Variants in IGF2BP3 observed in about 807,000 individuals in gnomAD.
IGF2BP3 encodes insulin like growth factor 2 mRNA binding protein 3.
In IGF2BP3, 9 loss-of-function variants were observed where a neutral mutation model predicts 73.8. The observed-to-expected ratio is 0.12, with a 90% CI of 0.07 to 0.21. The LOEUF (loss-of-function observed/expected upper bound fraction) is 0.21. Among genes scored for constraint, IGF2BP3 ranks in the 10% least tolerant of loss-of-function variants. The pLI, the probability that IGF2BP3 is intolerant of heterozygous loss-of-function variation, is 1.00. For synonymous variants in IGF2BP3, 258 were observed against 256.7 expected (o/e 1.01, Z -0.05); for missense variants, 542 against 714.0 (o/e 0.76, Z 2.75).
chr7:23,365,399 G>C (rs1785344334), intron 3 of IGF2BP3, among the ~76,000 whole-genome samples: 1 of 152,072 alleles, frequency 6.6e-6, no homozygotes, highest in African/African-American at 2.4e-5. Context: ...ATTACTCTTA[G>C]AGATAACACT....
chr7:23,418,752 A>T (rs1318974599), intron 3 of IGF2BP3, 24 bp downstream of exon 3: 14 of 1,501,286 alleles, frequency 9.3e-6, no homozygotes, highest in Non-Finnish European at 1.3e-5. Flanking sequence ...CTTAGATCTT[A>T]ATTTTAAATA....
In IGF2BP3 at chr7:23,378,569, GTTTTT is replaced by G. The variant is rs1156868701; in HGVS notation, c.286-16833_286-16829del. ...CACCATGCCAGGCTAATTTTTGCTT[GTTTTT>G]TTTTTTTTTTTTTTTTTTGAGACAG... On this transcript the variant is annotated intron_variant, in intron 3 of 14. Transcript: ENST00000258729. Among the ~76,000 whole-genome samples, 137 of 65,882 alleles carry G rather than the reference GTTTTT, an allele frequency of 2.1e-3. 1 individual carries two copies. Among genetic ancestry groups the G allele is most frequent in the African/African-American group, 9.7e-3 (134 of 13,848 alleles). The allele number at this position is 65,882 out of a possible 152,430, so 43.2% of individuals were successfully genotyped here.
chr7:23,340,052 T>C (rs1784669564), intron 10 of IGF2BP3, among the ~76,000 whole-genome samples: 1 of 152,070 alleles, frequency 6.6e-6, no homozygotes, highest in African/African-American at 2.4e-5. Context: ...ATTATACAGG[T>C]GAGAAAACAA....
chr7:23,318,235 T>C (rs1260693662), intron 11 of IGF2BP3, among the ~76,000 whole-genome samples: 1 of 152,178 alleles, frequency 6.6e-6, no homozygotes, highest in Non-Finnish European at 1.5e-5. Context: ...ATGCCTTTGT[T>C]TGTCTGAGGC....
chr7:23,335,671 T>A (rs184288595), intron 10 of IGF2BP3, among the ~76,000 whole-genome samples: 15 of 152,278 alleles, frequency 9.9e-5, no homozygotes, highest in Non-Finnish European at 1.9e-4. Context: ...GATTACACTA[T>A]CATTTTGGAG....
At chr7:23,369,914 G>A (rs1785494139) in intron 3 of IGF2BP3, among the ~76,000 whole-genome samples, 1 of 152,050 alleles carries the variant, frequency 6.6e-6, no homozygotes, top group Non-Finnish European at 1.5e-5. Flanking sequence ...CACTGCTCAA[G>A]TCCCATCACT....
rs1783849587 is a variant in IGF2BP3, at chr7:23,312,167, TCATA to T, written c.*191_*194del. On this transcript the variant is annotated 3_prime_UTR_variant, in exon 15 of 15. Coordinates refer to ENST00000258729, the MANE Select transcript of IGF2BP3 (RefSeq NM_006547.3). ...TGTTTGTTTGTTTTAAAGCTGGGTG[TCATA>T]CATTTCAGAGAGCATAAAGTATACA... 6.0e-6 allele frequency: 3 copies of T among 496,048 alleles called. No homozygotes were observed. The South Asian group carries it at 9.8e-5, about 16-fold the overall frequency. 30.7% of individuals were successfully genotyped at this position (496,048 alleles called of 1,614,324 possible).
chr7:23,433,848 G>T (rs952118234), intron 2 of IGF2BP3, among the ~76,000 whole-genome samples: 2 of 152,152 alleles, frequency 1.3e-5, no homozygotes, highest in Admixed American at 6.5e-5. Flanking sequence ...GCCGAGGCGG[G>T]AGGATCATCT....
intron 2 of IGF2BP3, among the ~76,000 whole-genome samples, chr7:23,448,909 G>A (rs566524689): frequency 6.6e-6 from 1 of 152,062 alleles, no homozygotes; most frequent in African/African-American, 2.4e-5. Context: ...TGGAATTACA[G>A]GCATGAGCCA....
intron 3 of IGF2BP3, among the ~76,000 whole-genome samples, chr7:23,411,141 G>A (rs767014418): frequency 5.3e-5 from 8 of 151,992 alleles, no homozygotes; most frequent in Non-Finnish European, 1.2e-4. Flanking sequence ...CTTTAAACTG[G>A]TTATTTCTAA....
At chr7:23,447,796 C>T (rs368226151) in intron 2 of IGF2BP3, among the ~76,000 whole-genome samples, 5 of 151,570 alleles carry the variant, frequency 3.3e-5, no homozygotes, top group Admixed American at 2.0e-4. Context: ...CTGGGCAAAA[C>T]AGTGAGATCC....
At position 23,317,628 on chromosome 7, in the gene IGF2BP3, A is replaced by C. The variant is rs200186275; in HGVS notation, c.1395+11T>G. 6.2e-7 allele frequency: 1 copy of C among 1,610,550 alleles called. No individual in the cohort carries two copies. The highest frequency in any genetic ancestry group is 1.7e-5 in the Admixed American group (1 of 60,002). On this transcript the variant is annotated intron_variant, in intron 12 of 14. Transcript: ENST00000258729. The stretch of plus-strand genomic sequence containing the variant: ...TACCTGTGGACATAGCACATACTCT[A>C]GAGCACATACCTTGAACTGAGCCTC...
rs964097988 is a variant in IGF2BP3, at chr7:23,311,328, C to T, written c.*1034G>A. 1 of 152,580 alleles carries T rather than the reference C, an allele frequency of 6.6e-6. No individual in the cohort carries two copies. Among genetic ancestry groups the T allele is most frequent in the Non-Finnish European group, 1.5e-5 (1 of 68,020 alleles). 9.5% of individuals were successfully genotyped at this position (152,580 alleles called of 1,614,324 possible). A position where few individuals can be genotyped will look rare whatever the true frequency, so the allele number is the denominator to read the frequency against. On this transcript the variant is annotated 3_prime_UTR_variant, in exon 15 of 15. Transcript: ENST00000258729. ...TTTTGCCAGTCAGTTGAAAGTCTTG[C>T]ATCTCTTCACTGATGCACTTTCTTT...
chr7:23,385,345 T>C (rs1786048849), intron 3 of IGF2BP3, among the ~76,000 whole-genome samples: 1 of 152,232 alleles, frequency 6.6e-6, no homozygotes, highest in Admixed American at 6.5e-5. Context: ...CCAGATCTAC[T>C]GTGGTTCTCA....
In IGF2BP3 at chr7:23,311,259, G is replaced by A. The variant is rs1783819671; in HGVS notation, c.*1103C>T. On this transcript the variant is annotated 3_prime_UTR_variant, in exon 15 of 15. Transcript: ENST00000258729. ...TATGACTGTCCCATTGGTCTGAAGTGTAGTGGCAAACTAAGCATCCTATAA... is the reference window on the plus strand; with the variant it reads ...TATGACTGTCCCATTGGTCTGAAGTATAGTGGCAAACTAAGCATCCTATAA... 1 of 152,432 alleles carries A rather than the reference G, an allele frequency of 6.6e-6. No individual in the cohort carries two copies. The highest frequency in any genetic ancestry group is 1.5e-5 in the Non-Finnish European group (1 of 68,036). 9.4% of individuals were successfully genotyped at this position (152,432 alleles called of 1,614,324 possible). A position where few individuals can be genotyped will look rare whatever the true frequency, so the allele number is the denominator to read the frequency against.
chr7:23,426,751 G>A (rs919220645), intron 2 of IGF2BP3, among the ~76,000 whole-genome samples: 3 of 152,150 alleles, frequency 2.0e-5, no homozygotes, highest in Non-Finnish European at 1.5e-5. Flanking sequence ...CATAGGGAGT[G>A]TTCTGTACTT....
At chr7:23,365,391 T>A (rs1332200793) in intron 3 of IGF2BP3, among the ~76,000 whole-genome samples, 5 of 152,224 alleles carry the variant, frequency 3.3e-5, no homozygotes, top group Non-Finnish European at 7.3e-5. Flanking sequence ...TAACTTTTAT[T>A]ACTCTTAGAG....
intron 12 of IGF2BP3, among the ~76,000 whole-genome samples, chr7:23,317,205 A>G (rs1784015510): frequency 6.6e-6 from 1 of 152,194 alleles, no homozygotes; most frequent in African/African-American, 2.4e-5. Flanking sequence ...GATCCCAGGG[A>G]TTAGAGAGAT....
chr7:23,397,213 G>A (rs545938042), intron 3 of IGF2BP3, among the ~76,000 whole-genome samples: 50 of 152,186 alleles, frequency 3.3e-4, no homozygotes, highest in Non-Finnish European at 7.2e-4. Context: ...AAGCTGACTT[G>A]GATAAGACAT....
Sources: gnomAD v4.1 joint callset for allele counts (sites outside exome capture counted in the v4.1 genomes callset) on GRCh38, gnomAD v4.1.1 for gene constraint, MANE v1.5 for transcripts, NCBI Gene and HGNC (gene_info 2026-07-23, HGNC 2026-07-21) for gene names.